NAALADL2: variants seen among roughly 807,000 people sequenced by gnomAD.
NAALADL2 encodes N-acetylated alpha-linked acidic dipeptidase like 2.
Under a neutral mutation model 87.2 loss-of-function variants are expected in NAALADL2, and 76 were observed. That is an observed-to-expected ratio of 0.87 (90% CI 0.72 to 1.05). The LOEUF (loss-of-function observed/expected upper bound fraction) is 1.05, where lower values mean the gene tolerates loss of function less well. Among genes scored for constraint, NAALADL2 ranks in the 50% least tolerant of loss-of-function variants. The pLI, the probability that NAALADL2 is intolerant of heterozygous loss-of-function variation, is 0.00. For missense variants in NAALADL2, 1,089 were observed against 945.8 expected, an observed-to-expected ratio of 1.15 and a Z score of -1.99; for synonymous variants, 354 against 331.0, an observed-to-expected ratio of 1.07 and a Z score of -0.75.
In NAALADL2 at chr3:174,903,225, C is replaced by A. The variant is rs1015459649; in HGVS notation, c.43+43775C>A. Among the ~76,000 whole-genome samples the A allele has an allele frequency of 2.6e-5, 4 of 152,156 alleles. No homozygotes were observed. In the South Asian group the frequency reaches 8.3e-4, roughly 32 times the overall value. On this transcript the variant is annotated intron_variant, in intron 1 of 13. Coordinates refer to ENST00000454872, the MANE Select transcript of NAALADL2 (RefSeq NM_207015.3). The stretch of plus-strand genomic sequence containing the variant: ...ATTTCTAAGTTCCAGTATTTGAATA[C>A]ATTAGATATTAGCCAAGAAATACTA...
chr3:174,743,425 A>G (rs1733945683), intron 3 of NAALADL2, among the ~76,000 whole-genome samples: 1 of 151,870 alleles, frequency 6.6e-6, no homozygotes, highest in South Asian at 2.1e-4. Context: ...TGGATTCCAA[A>G]TAAAATTATA....
chr3:175,466,073 A>G (rs965656566), intron 7 of NAALADL2, among the ~76,000 whole-genome samples: 7 of 152,228 alleles, frequency 4.6e-5, no homozygotes, highest in African/African-American at 1.7e-4. Context: ...AGGTCACACA[A>G]CTAGTGACTT....
At chr3:174,901,942 C>G (rs1732366972) in intron 1 of NAALADL2, among the ~76,000 whole-genome samples, 1 of 152,164 alleles carries the variant, frequency 6.6e-6, no homozygotes. Flanking sequence ...TCAAATGATC[C>G]TCTATTTTGG....
At chr3:174,815,100 A>G (rs1720644776) in intron 3 of NAALADL2, among the ~76,000 whole-genome samples, 2 of 152,126 alleles carry the variant, frequency 1.3e-5, no homozygotes, top group Admixed American at 6.6e-5. Context: ...TCCTGGTTCT[A>G]GTTTTATAGC....
chr3:174,533,373 T>C (rs1047039790), intron 1 of NAALADL2, among the ~76,000 whole-genome samples: 1 of 152,090 alleles, frequency 6.6e-6, no homozygotes, highest in Non-Finnish European at 1.5e-5. Context: ...GATCATACCA[T>C]TGAGCCCTCT....
chr3:175,600,024 C>A (rs910446483), intron 10 of NAALADL2, among the ~76,000 whole-genome samples: 4 of 151,864 alleles, frequency 2.6e-5, no homozygotes, highest in African/African-American at 9.7e-5. Context: ...GTATATCATA[C>A]ACAATTTAAG....
intron 2 of NAALADL2, among the ~76,000 whole-genome samples, chr3:174,561,495 G>C (rs529019664): frequency 4.6e-5 from 7 of 151,950 alleles, no homozygotes; most frequent in Non-Finnish European, 1.0e-4. Flanking sequence ...CCACCATGCC[G>C]GGCCACAGGA....
chr3:175,314,469 AGAAG>A (rs1164531246), intron 4 of NAALADL2, among the ~76,000 whole-genome samples: 2 of 149,406 alleles, frequency 1.3e-5, no homozygotes, highest in Non-Finnish European at 3.0e-5. Flanking sequence ...GTATTTTTAC[AGAAG>A]GATAAAGAGA....
At chr3:175,605,174 C>A (rs1240367742) in intron 10 of NAALADL2, among the ~76,000 whole-genome samples, 1 of 152,060 alleles carries the variant, frequency 6.6e-6, no homozygotes, top group Non-Finnish European at 1.5e-5. Context: ...GCCACCAGAC[C>A]CTTTGCAGCT....
chr3:174,743,471 T>G (rs887120960), intron 3 of NAALADL2, among the ~76,000 whole-genome samples: 5 of 151,814 alleles, frequency 3.3e-5, no homozygotes, highest in Non-Finnish European at 7.4e-5. Flanking sequence ...GTCTTCTAAC[T>G]TGGCTATACT....
chr3:174,519,095 TAA>T (rs1455064972), intron 1 of NAALADL2, among the ~76,000 whole-genome samples: 2 of 152,186 alleles, frequency 1.3e-5, no homozygotes, highest in African/African-American at 4.8e-5. Flanking sequence ...ATTCAACATA[TAA>T]AAGATATTAA....
chr3:175,571,467 A>G (rs962648832), intron 9 of NAALADL2, among the ~76,000 whole-genome samples: 9 of 152,128 alleles, frequency 5.9e-5, no homozygotes, highest in African/African-American at 2.2e-4. Context: ...TTTGCTGCCA[A>G]CCTCCCCTCT....
chr3:174,486,442 C>T (rs1034444553), intron 1 of NAALADL2, among the ~76,000 whole-genome samples: 2 of 152,030 alleles, frequency 1.3e-5, no homozygotes, highest in African/African-American at 4.8e-5. Context: ...CAAACTTGTC[C>T]ACATTGACCC....
intron 1 of NAALADL2, among the ~76,000 whole-genome samples, chr3:174,544,132 A>G (rs1722510454): frequency 6.6e-6 from 1 of 151,978 alleles, no homozygotes; most frequent in Admixed American, 6.6e-5. Context: ...AGAGGCAACC[A>G]TTTCCAACTG....
chr3:175,308,164 T>C (rs949506252), intron 4 of NAALADL2, among the ~76,000 whole-genome samples: 2 of 152,210 alleles, frequency 1.3e-5, no homozygotes, highest in African/African-American at 4.8e-5. Context: ...ATAATTTCCA[T>C]TGTGATAAAC....
intron 5 of NAALADL2, among the ~76,000 whole-genome samples, chr3:175,368,532 CT>C (rs1260938643): frequency 2.7e-5 from 4 of 150,720 alleles, no homozygotes; most frequent in African/African-American, 9.7e-5. Context: ...ATTTTGGTAT[CT>C]TTTTTTATAC....
rs141500064 is a variant in NAALADL2 at position 175,121,207 on chromosome 3, A to G, written c.545+23916A>G. 4.6e-5 allele frequency among the ~76,000 whole-genome samples: 7 copies of G among 152,050 alleles called. No homozygotes were observed. The East Asian group carries it at 1.2e-3, about 25-fold the overall frequency. On this transcript the variant is annotated intron_variant, in intron 2 of 13. Coordinates refer to ENST00000454872, the MANE Select transcript of NAALADL2 (RefSeq NM_207015.3). ...TGTTTGAGGGTCTGGCCAAACGGCC[A>G]TACAGATCTATAAGTGTGTTGGTGA...
intron 1 of NAALADL2, among the ~76,000 whole-genome samples, chr3:174,866,431 A>C (rs1727155429): frequency 6.6e-6 from 1 of 151,870 alleles, no homozygotes; most frequent in African/African-American, 2.4e-5. Context: ...AAAGGAAAAT[A>C]ATAGAAGAAT....
At chr3:174,678,446 T>G (rs1727243488) in intron 2 of NAALADL2, among the ~76,000 whole-genome samples, 1 of 152,174 alleles carries the variant, frequency 6.6e-6, no homozygotes, top group African/African-American at 2.4e-5. Flanking sequence ...ACATGTAGGA[T>G]GCCAAATTTT....
Sources: gnomAD v4.1 joint callset for allele counts (sites outside exome capture counted in the v4.1 genomes callset) on GRCh38, gnomAD v4.1.1 for gene constraint, MANE v1.5 for transcripts, NCBI Gene and HGNC (gene_info 2026-07-23, HGNC 2026-07-21) for gene names.